The following INHBA variants were observed in gnomAD, a reference collection of about 807,000 sequenced individuals.
INHBA encodes inhibin subunit beta A.
A neutral mutation model predicts 29.0 loss-of-function variants in INHBA; 1 was observed. That is an observed-to-expected ratio of 0.03 (90% CI 0.01 to 0.16). The LOEUF is 0.16. INHBA is among the 10% of genes least tolerant of loss of function. INHBA has a pLI of 1.00. For synonymous variants in INHBA, 242 were observed against 216.8 expected (o/e 1.12, Z -1.02); for missense variants, 376 against 545.4 (o/e 0.69, Z 3.09).
In INHBA at chr7:41,700,258, C is replaced by A. The variant is rs1201580948; in HGVS notation, c.117G>T (p.Ala39=). 8.1e-6 allele frequency: 13 copies of A among 1,609,228 alleles called. No homozygotes were observed. Among genetic ancestry groups the A allele is most frequent in the Non-Finnish European group, 1.0e-5 (12 of 1,176,964 alleles). ...HSAAPDCPSC[A]LAALPKDVPN... ...GTACATCCTTTGGGAGGGCGGCCAG[C>A]GCACAGGACGGACAGTCGGGGGCCG... The change falls in exon 2 of 3, where the codon GCG becomes GCT. Residue 39 remains alanine (A), a synonymous_variant. Transcript: ENST00000242208.
Position 41,688,280 on chromosome 7 carries a change from G to T in INHBA, c.*1370C>A, listed in dbSNP as rs898969825. Reference sequence around the variant, plus strand: ...TACACATACAAGCATGTAGTTCCATGAATTTGATTGAACTTGATATCCAAC... The same window carrying T: ...TACACATACAAGCATGTAGTTCCATTAATTTGATTGAACTTGATATCCAAC... On this transcript the variant is annotated 3_prime_UTR_variant, in exon 3 of 3. Coordinates refer to ENST00000242208, the MANE Select transcript of INHBA (RefSeq NM_002192.4). 6.6e-6 allele frequency: 1 copy of T among 152,086 alleles called. No individual in the cohort carries two copies. Among genetic ancestry groups the T allele is most frequent in the East Asian group, 1.9e-4 (1 of 5,192 alleles). 9.4% of individuals were successfully genotyped at this position (152,086 alleles called of 1,614,324 possible).
chr7:41,703,733 C>A (rs947417984), upstream of INHBA, among the ~76,000 whole-genome samples: 2 of 151,758 alleles, frequency 1.3e-5, no homozygotes, highest in Admixed American at 6.6e-5. Flanking sequence ...AAGTATCCTT[C>A]CCAGGTCTTT....
Position 41,690,316 on chromosome 7 carries a change from C to T in INHBA, c.615G>A (p.Leu205=). The T allele has an allele frequency of 6.2e-7, 1 of 1,614,052 alleles. No homozygotes were observed. ...GAGCGTCTACTACTTTTTCAGAGAG[C>T]AACAGTTCACTCCTCTCCCCCTTTA... ...VGLKGERSEL[L]LSEKVVDARK... The change falls in exon 3 of 3, where the codon TTG becomes TTA. Residue 205 remains leucine (L), a synonymous_variant. Coordinates refer to ENST00000242208, the MANE Select transcript of INHBA (RefSeq NM_002192.4).
intron 2 of INHBA, among the ~76,000 whole-genome samples, chr7:41,695,252 G>A (rs1794619943): frequency 6.6e-6 from 1 of 152,232 alleles, no homozygotes; most frequent in African/African-American, 2.4e-5. Context: ...AATGTGGAAA[G>A]CCTCGTTGTT....
In INHBA at chr7:41,688,080, G is replaced by A. The variant is rs1396283008; in HGVS notation, c.*1570C>T. ...TTGAAATGCGCCCACCTAGTTCAGA[G>A]TAAAAGCAAAAACTATAGCCTATCC... On this transcript the variant is annotated 3_prime_UTR_variant, in exon 3 of 3. Coordinates refer to ENST00000242208, the MANE Select transcript of INHBA (RefSeq NM_002192.4). The A allele has an allele frequency of 6.6e-6, 1 of 152,162 alleles. No homozygotes were observed. Among genetic ancestry groups the A allele is most frequent in the African/African-American group, 2.4e-5 (1 of 41,434 alleles). 9.4% of individuals were successfully genotyped at this position (152,162 alleles called of 1,614,324 possible).
chr7:41,687,594 C>T lies in INHBA; in HGVS notation c.*2056G>A, dbSNP rs994439248. The T allele has an allele frequency of 3.9e-5, 6 of 151,944 alleles. No homozygotes were observed. Among genetic ancestry groups the T allele is most frequent in the Admixed American group, 3.3e-4 (5 of 15,246 alleles). The allele number at this position is 151,944 out of a possible 1,614,324, so 9.4% of individuals were successfully genotyped here. A position where few individuals can be genotyped will look rare whatever the true frequency, so the allele number is the denominator to read the frequency against. ...CTGCATCTGAATCAATACAAATTTACACATGAAGAATTTTGGCTGTAAATT... is the reference window on the plus strand; with the variant it reads ...CTGCATCTGAATCAATACAAATTTATACATGAAGAATTTTGGCTGTAAATT... On this transcript the variant is annotated 3_prime_UTR_variant, in exon 3 of 3. Transcript: ENST00000242208.
upstream of INHBA, chr7:41,705,220 T>TC (rs897921803): frequency 6.5e-6 from 1 of 152,966 alleles, no homozygotes; most frequent in African/African-American, 2.4e-5. Context: ...CACTTCCCCC[T>TC]CCCCCGGAGC....
chr7:41,689,698 G>T lies in INHBA; in HGVS notation c.1233C>A (p.Ile411=). Residue 411 remains isoleucine, a synonymous_variant, in exon 3 of 3, where the codon ATC becomes ATA. Transcript: ENST00000242208. ...MLYYDDGQNI[I]KKDIQNMIVE... ...CGATCATGTTCTGAATGTCCTTTTTGATGATGTTTTGACCATCATCATAGT... is the reference window on the plus strand; with the variant it reads ...CGATCATGTTCTGAATGTCCTTTTTTATGATGTTTTGACCATCATCATAGT... 6.2e-7 allele frequency: 1 copy of T among 1,609,158 alleles called. No homozygotes were observed. The highest frequency in any genetic ancestry group is 1.3e-5 in the African/African-American group (1 of 74,846).
rs1026034155 is a variant in INHBA at position 41,688,048 on chromosome 7, C to T, written c.*1602G>A. 1.3e-5 allele frequency: 2 copies of T among 152,078 alleles called. No homozygotes were observed. Among genetic ancestry groups the T allele is most frequent in the African/African-American group, 2.4e-5 (1 of 41,398 alleles). The allele number at this position is 152,078 out of a possible 1,614,324, so 9.4% of individuals were successfully genotyped here. On this transcript the variant is annotated 3_prime_UTR_variant, in exon 3 of 3. Coordinates refer to ENST00000242208, the MANE Select transcript of INHBA (RefSeq NM_002192.4). ...TGGAATTTCCAGGCTTTTTCCCATC[C>T]GAATTTTTGAAATGCGCCCACCTAG...
Position 41,700,405 on chromosome 7 carries a change from T to C in INHBA, c.-31A>G. 1 of 1,407,930 alleles carries C rather than the reference T, an allele frequency of 7.1e-7. No homozygotes were observed. The highest frequency in any genetic ancestry group is 2.4e-5 in the East Asian group (1 of 41,516). 87.2% of individuals were successfully genotyped at this position (1,407,930 alleles called of 1,614,324 possible). On this transcript the variant is annotated 5_prime_UTR_variant, in exon 2 of 3. Coordinates refer to ENST00000242208, the MANE Select transcript of INHBA (RefSeq NM_002192.4). Reference sequence around the variant, plus strand: ...CAGCAAAAGTTGTTGTGATTGCCTTTTTAAAAGGCCCTGCTTTTCCTCCCC... The same window carrying C: ...CAGCAAAAGTTGTTGTGATTGCCTTCTTAAAAGGCCCTGCTTTTCCTCCCC...
intron 2 of INHBA, chr7:41,692,275 A>T (rs1481605141): frequency 6.6e-6 from 1 of 152,148 alleles, no homozygotes; most frequent in Middle Eastern, 3.2e-3. Flanking sequence ...ACAATCTTCA[A>T]GAAGTTCATC....
Position 41,700,326 on chromosome 7 carries a change from T to C in INHBA, c.49A>G (p.Ile17Val), listed in dbSNP as rs1794750280. Reference sequence around the variant, plus strand: ...CCTGGGGTGGGGGAACTCCTCACTATAATCCAGCAACTTGCCAACAGAAAT... The same window carrying C: ...CCTGGGGTGGGGGAACTCCTCACTACAATCCAGCAACTTGCCAACAGAAAT... ...RGFLLASCWI[I>V]VRSSPTPGSE... is the part of the protein sequence containing the mutation. Residue 17 changes from isoleucine to valine, a missense_variant, in exon 2 of 3, where the codon ATA becomes GTA. Physicochemically the swap from Ile to Val is conservative, Grantham distance 29 (BLOSUM62 3). Transcript: ENST00000242208. 2.0e-6 allele frequency: 3 copies of C among 1,525,858 alleles called. No homozygotes were observed. Among genetic ancestry groups the C allele is most frequent in the South Asian group, 2.6e-5 (2 of 77,580 alleles). 94.5% of individuals were successfully genotyped at this position (1,525,858 alleles called of 1,614,324 possible).
chr7:41,696,728 G>A (rs1035970165), intron 2 of INHBA, among the ~76,000 whole-genome samples: 1 of 152,174 alleles, frequency 6.6e-6, no homozygotes, highest in African/African-American at 2.4e-5. Context: ...GATTGGAATG[G>A]TGGGAGTCAG....
chr7:41,702,170 C>A (rs1185662264), intron 1 of INHBA, among the ~76,000 whole-genome samples: 1 of 152,066 alleles, frequency 6.6e-6, no homozygotes, highest in Admixed American at 6.6e-5. Context: ...TCAAGCAATG[C>A]AGTTTAGGTG....
At chr7:41,696,252 C>T (rs923607612) in intron 2 of INHBA, among the ~76,000 whole-genome samples, 2 of 152,124 alleles carry the variant, frequency 1.3e-5, no homozygotes, top group Non-Finnish European at 2.9e-5. Flanking sequence ...TTGTTACGAC[C>T]CGGGAGACCG....
intron 1 of INHBA, among the ~76,000 whole-genome samples, chr7:41,701,140 G>A (rs888679909): frequency 6.6e-6 from 1 of 151,328 alleles, no homozygotes; most frequent in African/African-American, 2.4e-5. Flanking sequence ...TCCTTTTTTG[G>A]AGGGGAGAAA....
chr7:41,694,171 G>C (rs949572606), intron 2 of INHBA: 1 of 152,196 alleles, frequency 6.6e-6, no homozygotes, highest in Non-Finnish European at 1.5e-5. Context: ...ATTGCAGAAG[G>C]GTGTGGGGAG....
chr7:41,690,993 C>T (rs1373800360), intron 2 of INHBA, among the ~76,000 whole-genome samples: 2 of 152,138 alleles, frequency 1.3e-5, no homozygotes, highest in African/African-American at 2.4e-5. Flanking sequence ...AGAGGGCCTG[C>T]GAGTCTGTGT....
Position 41,690,006 on chromosome 7 carries a change from G to T in INHBA, c.925C>A (p.Arg309=). 6.2e-7 allele frequency: 1 copy of T among 1,614,048 alleles called. No individual in the cohort carries two copies. Among genetic ancestry groups the T allele is most frequent in the Non-Finnish European group, 8.5e-7 (1 of 1,180,034 alleles). The change falls in exon 3 of 3, where the codon CGG becomes AGG. Residue 309 remains arginine (R), a synonymous_variant. Transcript: ENST00000242208. The part of the protein sequence containing the change: ...QSEDHPHRRR[R]RGLECDGKVN... ...TTGCCATCACACTCCAAGCCCCGCC[G>T]ACGCCGGCGATGAGGGTGGTCTTCA...
Sources: allele counts gnomAD v4.1 joint callset (sites outside exome capture counted in the v4.1 genomes callset), GRCh38; gene constraint gnomAD v4.1.1; transcripts MANE v1.5; gene names NCBI Gene and HGNC (gene_info 2026-07-23, HGNC 2026-07-21).